Variants in ACSM3 observed in about 807,000 individuals in gnomAD.
The protein encoded by ACSM3 is acyl-coenzyme A synthetase ACSM3, mitochondrial.
ACSM3 carries 61 observed loss-of-function variants against 74.1 expected under a neutral mutation model. The observed-to-expected ratio is 0.82, with a 90% CI of 0.67 to 1.02. The LOEUF is 1.02. Among genes scored for constraint, ACSM3 ranks in the 50% least tolerant of loss-of-function variants. The probability of loss-of-function intolerance (pLI) is 0.00; values close to 1 mark genes in which losing one functional copy is unlikely to be tolerated. For missense variants in ACSM3, 660 were observed against 697.0 expected (o/e 0.95, Z 0.60); for synonymous variants, 213 against 241.5 (o/e 0.88, Z 1.09).
At chr16:20,710,632 A>C (rs1389584766) in intron 1 of ACSM3, among the ~76,000 whole-genome samples, 1 of 152,186 alleles carries the variant, frequency 6.6e-6, no homozygotes, top group African/African-American at 2.4e-5. Flanking sequence ...GGTGTGAGCC[A>C]ACATGCCCAG....
In ACSM3 at chr16:20,769,994, C is replaced by A; in HGVS notation, c.-41C>A. On this transcript the variant is annotated 5_prime_UTR_variant, in exon 2 of 14. Transcript: ENST00000289416. Reference sequence around the variant, plus strand: ...TTGCTTGTCTTTTAGATGAACTGGTCTCTGTGCAAATCCTGAGTGCTAAAG... The same window carrying A: ...TTGCTTGTCTTTTAGATGAACTGGTATCTGTGCAAATCCTGAGTGCTAAAG... 6.3e-7 allele frequency: 1 copy of A among 1,594,044 alleles called. No homozygotes were observed. The highest frequency in any genetic ancestry group is 1.1e-5 in the South Asian group (1 of 90,558).
intron 9 of ACSM3, among the ~76,000 whole-genome samples, chr16:20,789,722 T>C (rs2080554281): frequency 6.7e-6 from 1 of 149,450 alleles, no homozygotes; most frequent in Non-Finnish European, 1.5e-5. Flanking sequence ...GTTTCACTCA[T>C]TGCCCAGGCT....
chr16:20,705,486 T>C lies in ACSM3; in HGVS notation c.-190+30664T>C, dbSNP rs532872878. Among the ~76,000 whole-genome samples, 44 of 152,284 alleles carry C rather than the reference T, an allele frequency of 2.9e-4. No homozygotes were observed. In the South Asian group the frequency reaches 8.9e-3, roughly 31 times the overall value. ...ATGGCATTGAGTGAGTTTTCAATTT[T>C]TATGGAAAAATTTCAAGAGAGAGAG... On this transcript the variant is annotated intron_variant, in intron 1 of 3. Transcript: ENST00000561584.
chr16:20,675,626 T>C (rs1243014580), intron 1 of ACSM3, among the ~76,000 whole-genome samples: 1 of 152,222 alleles, frequency 6.6e-6, no homozygotes, highest in Non-Finnish European at 1.5e-5. Context: ...TGAAACTGGA[T>C]GTTCAAAAGT....
chr16:20,767,966 T>C (rs184574762), intron 1 of ACSM3, among the ~76,000 whole-genome samples: 136 of 152,342 alleles, frequency 8.9e-4, no homozygotes, highest in Admixed American at 2.7e-3. Context: ...AACACAGCCA[T>C]GCCAAAATTT....
intron 3 of ACSM3, among the ~76,000 whole-genome samples, chr16:20,757,999 T>C (rs2080045640): frequency 6.6e-6 from 1 of 152,176 alleles, no homozygotes; most frequent in African/African-American, 2.4e-5. Context: ...TTGATCATGG[T>C]GGATAAGCTT....
rs1235507620 is a variant in ACSM3 at position 20,797,445 on chromosome 16, A to G, written c.*473A>G. ...ACAAGAATCTACCTGAAAATAGACT[A>G]GGGATTTTTATTAGTCACATTTTTT... On this transcript the variant is annotated 3_prime_UTR_variant, in exon 14 of 14. Coordinates refer to ENST00000289416, the MANE Select transcript of ACSM3 (RefSeq NM_005622.4). The G allele has an allele frequency of 6.8e-6, 7 of 1,034,024 alleles. No homozygotes were observed. Among genetic ancestry groups the G allele is most frequent in the Admixed American group, 5.3e-5 (1 of 18,794 alleles). 64.1% of individuals were successfully genotyped at this position (1,034,024 alleles called of 1,614,324 possible). A position where few individuals can be genotyped will look rare whatever the true frequency, so the allele number is the denominator to read the frequency against.
chr16:20,731,673 G>A lies in ACSM3; in HGVS notation c.-189-18237G>A. Reference sequence around the variant, plus strand: ...CATCCTGTAAGTCCTACAGCCTAGAGAAATTAACTCTTGAGCTTCAGGATC... The same window carrying A: ...CATCCTGTAAGTCCTACAGCCTAGAAAAATTAACTCTTGAGCTTCAGGATC... On this transcript the variant is annotated intron_variant, in intron 1 of 3. Coordinates refer to the ACSM3 transcript ENST00000561584. 2 of 403,128 alleles carry A rather than the reference G, an allele frequency of 5.0e-6. 1 individual carries two copies. The highest frequency in any genetic ancestry group is 8.9e-6 in the Non-Finnish European group (2 of 224,362). 25.0% of individuals were successfully genotyped at this position (403,128 alleles called of 1,614,324 possible).
At chr16:20,738,273 TAAC>T (rs1263531331) in intron 1 of ACSM3, 1 of 450,900 alleles carries the variant, frequency 2.2e-6, no homozygotes, top group South Asian at 1.6e-5. Flanking sequence ...TGTTTTCCTG[TAAC>T]AACAGAGTAC....
rs577189298 is a variant in ACSM3, at chr16:20,786,452, G to A, written c.1224+294G>A. 5.9e-4 allele frequency: 247 copies of A among 417,682 alleles called. 1 individual carries two copies. The highest frequency in any genetic ancestry group is 4.7e-3 in the African/African-American group (231 of 48,696). The allele number at this position is 417,682 out of a possible 1,614,324, so 25.9% of individuals were successfully genotyped here. A position where few individuals can be genotyped will look rare whatever the true frequency, so the allele number is the denominator to read the frequency against. On this transcript the variant is annotated intron_variant, in intron 9 of 13. Transcript: ENST00000289416. ...TCCCAACACTTTGGGAGGCCAAGGC[G>A]GGAGCATCACTTGAGCCCAGGAGTT... is the stretch of plus-strand genomic sequence containing the variant.
chr16:20,743,095 C>T (rs930518341), intron 1 of ACSM3, among the ~76,000 whole-genome samples: 9 of 151,794 alleles, frequency 5.9e-5, no homozygotes, highest in Non-Finnish European at 1.0e-4. Flanking sequence ...CCCGCCACCA[C>T]GCCCGGCTAA....
chr16:20,761,654 G>A (rs533177731), upstream of ACSM3, among the ~76,000 whole-genome samples: 4 of 152,144 alleles, frequency 2.6e-5, no homozygotes, highest in East Asian at 1.9e-4. Context: ...ATGGTCAGGC[G>A]GTTATTAAAC....
intron 1 of ACSM3, among the ~76,000 whole-genome samples, chr16:20,766,871 T>G (rs1247049899): frequency 6.6e-6 from 1 of 152,236 alleles, no homozygotes; most frequent in Admixed American, 6.5e-5. Context: ...GTGTGTATTC[T>G]GTGCTACCTG....
intron 1 of ACSM3, among the ~76,000 whole-genome samples, chr16:20,676,949 T>A (rs571300555): frequency 1.3e-5 from 2 of 152,066 alleles, no homozygotes; most frequent in Admixed American, 6.6e-5. Context: ...AGGCAGGACA[T>A]AAAGTGTCAG....
chr16:20,680,267 C>T (rs2079412546), intron 1 of ACSM3: 1 of 152,184 alleles, frequency 6.6e-6, no homozygotes, highest in South Asian at 2.1e-4. Context: ...AGGAGCAGGC[C>T]TTGGAGTTCC....
At chr16:20,701,168 G>A (rs1024646360) in intron 1 of ACSM3, among the ~76,000 whole-genome samples, 18 of 152,218 alleles carry the variant, frequency 1.2e-4, no homozygotes, top group African/African-American at 3.1e-4. Context: ...ACAAAGTCAC[G>A]GAGGCTACAG....
intron 1 of ACSM3, chr16:20,681,883 C>T (rs2079453435): frequency 6.0e-6 from 1 of 166,826 alleles, no homozygotes; most frequent in Non-Finnish European, 1.3e-5. Flanking sequence ...CTCCCTTTCC[C>T]AGGCATTGTG....
chr16:20,719,779 A>G (rs112772871), intron 1 of ACSM3, among the ~76,000 whole-genome samples: 4 of 152,226 alleles, frequency 2.6e-5, no homozygotes, highest in Non-Finnish European at 5.9e-5. Flanking sequence ...GCAGAGATTA[A>G]AAGTGCGGGC....
At chr16:20,741,511 T>C in intron 1 of ACSM3, 5 of 606,534 alleles carry the variant, frequency 8.2e-6, no homozygotes, top group Non-Finnish European at 1.3e-5. Context: ...ACCGGTACCT[T>C]TTCTGGCCCA....
Sources: allele counts gnomAD v4.1 joint callset (sites outside exome capture counted in the v4.1 genomes callset), GRCh38; gene constraint gnomAD v4.1.1; transcripts MANE v1.5; gene names NCBI Gene and HGNC (gene_info 2026-07-23, HGNC 2026-07-21).